PPP1R16B: variants seen among roughly 807,000 people sequenced by gnomAD.
PPP1R16B encodes the protein protein phosphatase 1 regulatory subunit 16B, also known as protein phosphatase 1 regulatory inhibitor subunit 16B.
A neutral mutation model predicts 61.7 loss-of-function variants in PPP1R16B; 14 were observed. That is an observed-to-expected ratio of 0.23 (90% CI 0.15 to 0.35). PPP1R16B has a LOEUF of 0.35. Among genes scored for constraint, PPP1R16B ranks in the 10% least tolerant of loss-of-function variants. The pLI is 1.00. For synonymous variants in PPP1R16B, 266 were observed against 305.3 expected, an observed-to-expected ratio of 0.87 and a Z score of 1.34; for missense variants, 547 against 752.5, an observed-to-expected ratio of 0.73 and a Z score of 3.19.
intron 10 of PPP1R16B, among the ~76,000 whole-genome samples, chr20:38,912,322 G>C (rs1044736124): frequency 1.3e-5 from 2 of 151,830 alleles, no homozygotes; most frequent in Admixed American, 6.6e-5. Context: ...AATTCTCAAA[G>C]CATGGTCCCT....
chr20:38,905,916 G>A (rs112527300), intron 6 of PPP1R16B, 53 bp from the exon 7 acceptor site: 73 of 1,569,006 alleles, frequency 4.7e-5, no homozygotes, highest in African/African-American at 1.1e-4. Context: ...CTAGCCTACC[G>A]TCAATGTGGG....
At chr20:38,843,332 C>A (rs1299327733) in intron 2 of PPP1R16B, among the ~76,000 whole-genome samples, 1 of 152,236 alleles carries the variant, frequency 6.6e-6, no homozygotes, top group Non-Finnish European at 1.5e-5. Context: ...CTCAGGGATC[C>A]AGAGCAGCTC....
chr20:38,820,070 T>C (rs1440962227), intron 1 of PPP1R16B, among the ~76,000 whole-genome samples: 1 of 152,236 alleles, frequency 6.6e-6, no homozygotes, highest in Non-Finnish European at 1.5e-5. Flanking sequence ...TGGTTAACAC[T>C]GTTTGCGAGA....
intron 2 of PPP1R16B, among the ~76,000 whole-genome samples, chr20:38,860,440 A>G (rs1226348917): frequency 2.6e-5 from 4 of 152,200 alleles, no homozygotes; most frequent in Admixed American, 2.6e-4. Context: ...GATGCACCAT[A>G]TGTTGATTCA....
chr20:38,822,634 G>A (rs1289909961), intron 1 of PPP1R16B, among the ~76,000 whole-genome samples: 1 of 151,590 alleles, frequency 6.6e-6, no homozygotes, highest in Non-Finnish European at 1.5e-5. Flanking sequence ...TTCATTTAGG[G>A]ATCCTTAGAC....
Position 38,836,153 on chromosome 20 carries a change from G to T in PPP1R16B, c.228G>T (p.Ser76=), listed in dbSNP as rs1168168042. Residue 76 remains serine (S), a synonymous_variant, in exon 2 of 11, where the codon TCG becomes TCT. Coordinates refer to ENST00000299824, the MANE Select transcript of PPP1R16B (RefSeq NM_015568.4). ...FEASVALLEA[S]LRNDAEEVRY... ...CCAGCGTGGCCCTGCTGGAGGCCTCGCTGAGGAACGACGCCGAGGAAGGTA... is the reference window on the plus strand; with the variant it reads ...CCAGCGTGGCCCTGCTGGAGGCCTCTCTGAGGAACGACGCCGAGGAAGGTA... 1.2e-6 allele frequency: 2 copies of T among 1,611,010 alleles called. No homozygotes were observed. The highest frequency in any genetic ancestry group is 3.3e-5 in the Admixed American group (2 of 60,000).
intron 2 of PPP1R16B, among the ~76,000 whole-genome samples, chr20:38,854,273 T>C (rs2145731654): frequency 6.6e-6 from 1 of 152,354 alleles, no homozygotes; most frequent in East Asian, 1.9e-4. Context: ...CCATGTGGCA[T>C]TCAGAATTCA....
Position 38,907,001 on chromosome 20 carries a change from T to A in PPP1R16B, c.845T>A (p.Val282Glu). The A allele has an allele frequency of 6.2e-7, 1 of 1,614,006 alleles. No homozygotes were observed. Among genetic ancestry groups the A allele is most frequent in the East Asian group, 2.2e-5 (1 of 44,886 alleles). ...WGQMQMAELLVSHGASLSART... is the reference protein window; with the variant it reads ...WGQMQMAELLESHGASLSART... ...CAGATGCAGATGGCAGAGCTATTGG[T>A]GTCCCATGGAGCTAGTCTCAGTGCA... The change falls in exon 8 of 11, where the codon GTG becomes GAG. Residue 282 changes from valine to glutamate, a missense_variant. Coordinates refer to ENST00000299824, the MANE Select transcript of PPP1R16B (RefSeq NM_015568.4). This position sits in a 1 kb window ranked among gnomAD's most constrained non-coding sequence, Gnocchi z 4.5.
intron 2 of PPP1R16B, among the ~76,000 whole-genome samples, chr20:38,874,723 C>T (rs1164409298): frequency 6.6e-6 from 1 of 152,156 alleles, no homozygotes; most frequent in Non-Finnish European, 1.5e-5. Flanking sequence ...TGCAGATCCC[C>T]AACTCTTAAA....
rs1325254727 is a variant in PPP1R16B, at chr20:38,907,351, AC to A, written c.898+298del. 6.6e-6 allele frequency among the ~76,000 whole-genome samples: 1 copy of A among 152,054 alleles called. No homozygotes were observed. Among genetic ancestry groups the A allele is most frequent in the African/African-American group, 2.4e-5 (1 of 41,408 alleles). On this transcript the variant is annotated intron_variant, in intron 8 of 10. Transcript: ENST00000299824. This position sits in a 1 kb window ranked among gnomAD's most constrained non-coding sequence, Gnocchi z 4.5. ...GATGGATGGATGGATGGATGGATAG[AC>A]AGAAAAATAAGTGGATGAGTGGGTA...
chr20:38,890,181 T>C (rs547652746), intron 3 of PPP1R16B, among the ~76,000 whole-genome samples: 1 of 152,350 alleles, frequency 6.6e-6, no homozygotes, highest in Admixed American at 6.5e-5. Flanking sequence ...TTCACGTGGA[T>C]GCTGCTACAG....
chr20:38,910,529 G>GT (rs201312664), intron 10 of PPP1R16B, among the ~76,000 whole-genome samples: 27 of 145,488 alleles, frequency 1.9e-4, no homozygotes, highest in Admixed American at 5.5e-4. Flanking sequence ...TATAGCAGTA[G>GT]TTTTTTTTTG....
At chr20:38,872,347 C>T (rs2085135972) in intron 2 of PPP1R16B, among the ~76,000 whole-genome samples, 1 of 152,192 alleles carries the variant, frequency 6.6e-6, no homozygotes, top group African/African-American at 2.4e-5. Context: ...GTCTGGTTCA[C>T]TGCTGTAGCC....
At chr20:38,914,286 G>C (rs1020015551) in intron 10 of PPP1R16B, among the ~76,000 whole-genome samples, 5 of 152,158 alleles carry the variant, frequency 3.3e-5, no homozygotes, top group Non-Finnish European at 7.3e-5. Flanking sequence ...ACTGTGTTTG[G>C]GTTGTCCTAG....
chr20:38,908,761 A>C, intron 10 of PPP1R16B, among the ~76,000 whole-genome samples: 1 of 152,192 alleles, frequency 6.6e-6, no homozygotes, highest in East Asian at 1.9e-4. Context: ...CACAAACTGG[A>C]TGGCTTAACA....
Position 38,906,112 on chromosome 20 carries a change from G to A in PPP1R16B, c.822+18G>A, listed in dbSNP as rs2085439632. ...GGGGACAGGTAGTTCTCACCCACAG[G>A]GCTGTGGGGGAGGCCGGCACAGGGC... On this transcript the variant is annotated intron_variant, in intron 7 of 10. Coordinates refer to ENST00000299824, the MANE Select transcript of PPP1R16B (RefSeq NM_015568.4). The A allele has an allele frequency of 6.2e-7, 1 of 1,609,024 alleles. No homozygotes were observed. Among genetic ancestry groups the A allele is most frequent in the Non-Finnish European group, 8.5e-7 (1 of 1,178,844 alleles).
chr20:38,828,459 A>T (rs759712583), intron 1 of PPP1R16B, among the ~76,000 whole-genome samples: 2 of 152,224 alleles, frequency 1.3e-5, no homozygotes, highest in Non-Finnish European at 2.9e-5. Flanking sequence ...TTTTGGCCAC[A>T]GGTGGCAACA....
intron 2 of PPP1R16B, among the ~76,000 whole-genome samples, chr20:38,839,774 C>T (rs2084898017): frequency 6.6e-6 from 1 of 151,872 alleles, no homozygotes; most frequent in Admixed American, 6.6e-5. Context: ...TTATTTTTAT[C>T]TGCTGTGTAG....
chr20:38,883,855 A>C (rs1219407914), intron 2 of PPP1R16B, among the ~76,000 whole-genome samples: 2 of 152,198 alleles, frequency 1.3e-5, no homozygotes, highest in African/African-American at 4.8e-5. Context: ...ACCCCACAGC[A>C]ATGCCATGAG....
Sources: gnomAD v4.1 joint callset for allele counts (sites outside exome capture counted in the v4.1 genomes callset) on GRCh38, gnomAD v4.1.1 for gene constraint, Gnocchi (gnomAD v3.1) non-coding constraint, MANE v1.5 for transcripts, NCBI Gene and HGNC (gene_info 2026-07-23, HGNC 2026-07-21) for gene names.